Variants in SH3PXD2A observed in about 807,000 individuals in gnomAD.
SH3PXD2A encodes the protein SH3 and PX domains 2A.
In SH3PXD2A, 32 loss-of-function variants were observed where a neutral mutation model predicts 115.2. The observed-to-expected ratio is 0.28, with a 90% CI of 0.21 to 0.37. The LOEUF (loss-of-function observed/expected upper bound fraction) is 0.37, where lower values mean the gene tolerates loss of function less well. SH3PXD2A is among the 10% of genes least tolerant of loss of function. The pLI is 1.00. For synonymous variants in SH3PXD2A, 610 were observed against 629.1 expected (o/e 0.97, Z 0.45); for missense variants, 1,328 against 1,498.7 (o/e 0.89, Z 1.88).
At chr10:103,641,172 A>G (rs1443296966) in intron 8 of SH3PXD2A, among the ~76,000 whole-genome samples, 2 of 152,244 alleles carry the variant, frequency 1.3e-5, no homozygotes, top group Non-Finnish European at 2.9e-5. Context: ...ACAAAAGGAC[A>G]TGGCTTAGTA....
intron 2 of SH3PXD2A, among the ~76,000 whole-genome samples, chr10:103,793,673 G>A (rs1467619261): frequency 6.6e-6 from 1 of 152,336 alleles, no homozygotes; most frequent in Non-Finnish European, 1.5e-5. Flanking sequence ...CACACCAGGT[G>A]TGCTGGAGCT....
chr10:103,798,360 A>T (rs543293993), intron 2 of SH3PXD2A, among the ~76,000 whole-genome samples: 12 of 152,078 alleles, frequency 7.9e-5, no homozygotes, highest in Non-Finnish European at 1.6e-4. Context: ...CCCAGGCTGG[A>T]GTGCAGTGGT....
At chr10:103,622,616 A>G in intron 9 of SH3PXD2A, 63 bp from the exon 10 acceptor site, 1 of 652,192 alleles carries the variant, frequency 1.5e-6, no homozygotes, top group Non-Finnish European at 2.6e-6. Context: ...AATGGAGATG[A>G]GGATGAGATG....
intron 1 of SH3PXD2A, among the ~76,000 whole-genome samples, chr10:103,834,025 C>T (rs1228678428): frequency 6.6e-6 from 1 of 152,214 alleles, no homozygotes; most frequent in African/African-American, 2.4e-5. Context: ...CCCCACGTCT[C>T]TAACCAGGCC....
intron 1 of SH3PXD2A, among the ~76,000 whole-genome samples, chr10:103,825,545 T>C (rs1052254584): frequency 6.6e-6 from 1 of 152,178 alleles, no homozygotes; most frequent in Non-Finnish European, 1.5e-5. Flanking sequence ...TTCTAAGCAC[T>C]CTCTCTCCTT....
At chr10:103,787,554 G>T (rs2038992349) in intron 2 of SH3PXD2A, among the ~76,000 whole-genome samples, 1 of 152,160 alleles carries the variant, frequency 6.6e-6, no homozygotes, top group Non-Finnish European at 1.5e-5. Flanking sequence ...CCTCCTCAAA[G>T]GTTCCAAGAT....
rs1158656239 is a variant in SH3PXD2A, at chr10:103,594,996, G to A, written c.*6820C>T. On this transcript the variant is annotated 3_prime_UTR_variant, in exon 15 of 15. Coordinates refer to ENST00000369774, the MANE Select transcript of SH3PXD2A (RefSeq NM_001394015.1). ...ACCCATTGTGGTCACTGCTCTTTGA[G>A]CCATACAACTTGAGAGACTGGCTTT... 1 of 152,210 alleles carries A rather than the reference G, an allele frequency of 6.6e-6. No individual in the cohort carries two copies. Among genetic ancestry groups the A allele is most frequent in the African/African-American group, 2.4e-5 (1 of 41,428 alleles). 9.4% of individuals were successfully genotyped at this position (152,210 alleles called of 1,614,324 possible). A position where few individuals can be genotyped will look rare whatever the true frequency, so the allele number is the denominator to read the frequency against.
chr10:103,719,525 G>T (rs2038152151), intron 5 of SH3PXD2A, among the ~76,000 whole-genome samples: 1 of 152,116 alleles, frequency 6.6e-6, no homozygotes. Context: ...CTGAGACCCT[G>T]CTCTGGGACA....
chr10:103,801,568 T>A (rs10786768), intron 1 of SH3PXD2A, among the ~76,000 whole-genome samples: 7 of 131,652 alleles, frequency 5.3e-5, no homozygotes, highest in African/African-American at 1.8e-4. Flanking sequence ...CACACACACA[T>A]ACCCCTAGAG....
intron 3 of SH3PXD2A, among the ~76,000 whole-genome samples, chr10:103,758,308 C>A (rs1313375969): frequency 6.6e-6 from 1 of 152,228 alleles, no homozygotes. Flanking sequence ...AAGCCTGGCA[C>A]CCCTGGGCCC....
chr10:103,609,849 A>G (rs34312850), intron 13 of SH3PXD2A: 1 of 152,156 alleles, frequency 6.6e-6, no homozygotes, highest in African/African-American at 2.4e-5. Flanking sequence ...AAAGACCTCA[A>G]CCTTGGGGCT....
rs149229226 is a variant in SH3PXD2A, at chr10:103,708,292, T to C, written c.399-15236A>G. On this transcript the variant is annotated intron_variant, in intron 5 of 14. Transcript: ENST00000369774. ...AGGGCCTCAGCTCGGGTCCCCAAGCTGGGGTGGGTGGTGGTGGGGACTTCC... is the reference window on the plus strand; with the variant it reads ...AGGGCCTCAGCTCGGGTCCCCAAGCCGGGGTGGGTGGTGGTGGGGACTTCC... Among the ~76,000 whole-genome samples, 13 of 152,266 alleles carry C rather than the reference T, an allele frequency of 8.5e-5. No individual in the cohort carries two copies. In the East Asian group the frequency reaches 2.5e-3, roughly 29 times the overall value.
At chr10:103,848,101 C>CT (rs1842864978) in intron 1 of SH3PXD2A, among the ~76,000 whole-genome samples, 1 of 152,154 alleles carries the variant, frequency 6.6e-6, no homozygotes, top group Non-Finnish European at 1.5e-5. Flanking sequence ...GCTCTTGCCA[C>CT]TGGGGGAGTG....
intron 1 of SH3PXD2A, among the ~76,000 whole-genome samples, chr10:103,841,001 G>A (rs552900661): frequency 3.3e-5 from 5 of 152,232 alleles, no homozygotes; most frequent in African/African-American, 1.2e-4. Context: ...GATGAGAAAA[G>A]TTTTGGTGGG....
At chr10:103,798,150 G>A (rs2039112357) in intron 2 of SH3PXD2A, among the ~76,000 whole-genome samples, 1 of 152,134 alleles carries the variant, frequency 6.6e-6, no homozygotes, top group Non-Finnish European at 1.5e-5. Flanking sequence ...CCACGCTGGG[G>A]TGCAGGGAAC....
chr10:103,725,456 G>A (rs576340007), intron 4 of SH3PXD2A, among the ~76,000 whole-genome samples: 7 of 152,272 alleles, frequency 4.6e-5, no homozygotes, highest in South Asian at 4.1e-4. Flanking sequence ...CATGGCAAGT[G>A]CGTGGGCCAG....
At chr10:103,780,481 T>C (rs1324517666) in intron 2 of SH3PXD2A, among the ~76,000 whole-genome samples, 4 of 152,186 alleles carry the variant, frequency 2.6e-5, no homozygotes, top group Non-Finnish European at 1.5e-5. Flanking sequence ...CTGGTTAATA[T>C]GGAGCCCTGG....
At chr10:103,643,652 G>A (rs2036988477) in intron 8 of SH3PXD2A, among the ~76,000 whole-genome samples, 1 of 152,162 alleles carries the variant, frequency 6.6e-6, no homozygotes, top group African/African-American at 2.4e-5. Context: ...AGCCCCAAAT[G>A]GAGATTCTCC....
chr10:103,645,678 T>A (rs1051741272), intron 8 of SH3PXD2A, among the ~76,000 whole-genome samples: 3 of 151,946 alleles, frequency 2.0e-5, no homozygotes, highest in African/African-American at 7.2e-5. Flanking sequence ...TAGCAGCATC[T>A]CCCAAGCCCA....
Sources: allele counts gnomAD v4.1 joint callset (sites outside exome capture counted in the v4.1 genomes callset), GRCh38; gene constraint gnomAD v4.1.1; transcripts MANE v1.5; gene names NCBI Gene and HGNC (gene_info 2026-07-23, HGNC 2026-07-21).